TASP1: variants seen among roughly 807,000 people sequenced by gnomAD.
The protein encoded by TASP1 is taspase 1.
Under a neutral mutation model 56.6 loss-of-function variants are expected in TASP1, and 16 were observed. The ratio of observed to expected loss-of-function variants is 0.28; its 90% CI spans 0.19 to 0.43. TASP1 has a LOEUF of 0.43. TASP1 is among the 20% of genes least tolerant of loss of function. The pLI, the probability that TASP1 is intolerant of heterozygous loss-of-function variation, is 1.00. For missense variants in TASP1, 393 were observed against 511.6 expected (o/e 0.77, Z 2.24); for synonymous variants, 179 against 184.2 (o/e 0.97, Z 0.23).
chr20:13,263,509 T>G, the TASP1 span, among the ~76,000 whole-genome samples: 1,556 of 152,334 alleles, frequency 0.01, 14 homozygotes, highest in Middle Eastern at 0.031. Flanking sequence ...TTAAAGATAA[T>G]CAGTGTGCCA....
chr20:13,533,415 G>C (rs2045295817), intron 9 of TASP1, among the ~76,000 whole-genome samples: 1 of 152,042 alleles, frequency 6.6e-6, no homozygotes, highest in South Asian at 2.1e-4. Context: ...ATGAGAGACG[G>C]GGGAAAGGGG....
the TASP1 span, among the ~76,000 whole-genome samples, chr20:13,235,462 G>C: frequency 6.6e-6 from 1 of 152,144 alleles, no homozygotes; most frequent in African/African-American, 2.4e-5. Context: ...CAGTAAAATG[G>C]GATAAGAATA....
chr20:13,475,871 G>A (rs1014954946), intron 11 of TASP1, among the ~76,000 whole-genome samples: 1 of 151,736 alleles, frequency 6.6e-6, no homozygotes, highest in African/African-American at 2.4e-5. Context: ...ACTCCAGCCT[G>A]GGTGACAGAG....
chr20:13,113,213 G>A, the TASP1 span, among the ~76,000 whole-genome samples: 54,777 of 151,804 alleles, frequency 0.36, 9,949 homozygotes, highest in Admixed American at 0.4. Flanking sequence ...ATTATTTCCC[G>A]TAGGATTTTC....
chr20:13,558,824 T>C (rs1235544919), intron 8 of TASP1, among the ~76,000 whole-genome samples, 184 bp downstream of exon 8: 1 of 151,968 alleles, frequency 6.6e-6, no homozygotes, highest in African/African-American at 2.4e-5. Context: ...CTTTCTACTT[T>C]CTTTTTCTCT....
the TASP1 span, among the ~76,000 whole-genome samples, chr20:13,201,741 C>T: frequency 6.6e-6 from 1 of 150,694 alleles, no homozygotes; most frequent in Non-Finnish European, 1.5e-5. Flanking sequence ...ATTGTGGGCT[C>T]TGAGATGGTA....
intron 9 of TASP1, among the ~76,000 whole-genome samples, chr20:13,531,534 C>T (rs1381226177): frequency 6.7e-6 from 1 of 150,236 alleles, no homozygotes; most frequent in Non-Finnish European, 1.5e-5. Context: ...GCTCTGTCTC[C>T]CAGGCTGGAG....
chr20:13,469,426 GTTATTCTC>G (rs745852742), intron 11 of TASP1, among the ~76,000 whole-genome samples: 1 of 152,142 alleles, frequency 6.6e-6, no homozygotes, highest in Non-Finnish European at 1.5e-5. Context: ...AATCCAAGAA[GTTATTCTC>G]TTGCTGCCAG....
At chr20:13,130,825 T>G in the TASP1 span, among the ~76,000 whole-genome samples, 1 of 152,224 alleles carries the variant, frequency 6.6e-6, no homozygotes, top group Admixed American at 6.5e-5. Flanking sequence ...CTTGAATTAT[T>G]CTGGTGTTCC....
At chr20:13,117,405 C>T in the TASP1 span, 9 of 1,116,232 alleles carry the variant, frequency 8.1e-6, no homozygotes, top group South Asian at 4.0e-5. Flanking sequence ...AAAGGAATGG[C>T]GTGTGTCAGG....
At chr20:13,417,310 C>T (rs2042288699) in intron 13 of TASP1, 138 bp downstream of exon 13, 1 of 756,098 alleles carries the variant, frequency 1.3e-6, no homozygotes, top group African/African-American at 1.8e-5. Context: ...GTTAACTGTT[C>T]TTATTCGGAT....
the TASP1 span, among the ~76,000 whole-genome samples, chr20:13,128,349 TAG>T: frequency 1.0e-3 from 153 of 152,308 alleles, no homozygotes; most frequent in African/African-American, 3.6e-3. Flanking sequence ...ATAAACCCTG[TAG>T]ATCTCAGTGG....
intron 13 of TASP1, chr20:13,392,928 C>A (rs1568739009): frequency 8.0e-6 from 5 of 627,336 alleles, no homozygotes; most frequent in South Asian, 4.2e-5. Context: ...CCACCAAAAT[C>A]AAATGGGGCC....
At chr20:13,387,456 T>TG (rs2041172488), downstream of TASP1, among the ~76,000 whole-genome samples, 1 of 152,194 alleles carries the variant, frequency 6.6e-6, no homozygotes, top group African/African-American at 2.4e-5. Context: ...CCCAAAGTGC[T>TG]GGGATTACAG....
chr20:13,572,473 C>G (rs1045441664), intron 6 of TASP1, among the ~76,000 whole-genome samples: 5 of 152,106 alleles, frequency 3.3e-5, no homozygotes, highest in Non-Finnish European at 7.4e-5. Context: ...CACTTGAGGT[C>G]AGGAGTTTGA....
chr20:13,331,413 C>T, the TASP1 span, among the ~76,000 whole-genome samples: 1 of 152,110 alleles, frequency 6.6e-6, no homozygotes, highest in Admixed American at 6.5e-5. Flanking sequence ...AAAGTTATTA[C>T]ATCAAAAATT....
the TASP1 span, among the ~76,000 whole-genome samples, chr20:13,199,548 G>A: frequency 2.0e-5 from 3 of 152,120 alleles, 1 homozygote; most frequent in Admixed American, 6.5e-5. Context: ...CATTTAATTT[G>A]CAAGCCTCTT....
the TASP1 span, among the ~76,000 whole-genome samples, chr20:13,329,448 T>C: frequency 3.3e-5 from 5 of 152,206 alleles, no homozygotes; most frequent in Non-Finnish European, 7.3e-5. Flanking sequence ...ATCTCACCTT[T>C]CTAGCTTCCT....
chr20:13,134,910 A>G, the TASP1 span, among the ~76,000 whole-genome samples: 1 of 152,172 alleles, frequency 6.6e-6, no homozygotes, highest in South Asian at 2.1e-4. Flanking sequence ...TACTACTAGC[A>G]CCTTGCCTGT....
Sources: allele counts gnomAD v4.1 joint callset (sites outside exome capture counted in the v4.1 genomes callset), GRCh38; gene constraint gnomAD v4.1.1; transcripts MANE v1.5; gene names NCBI Gene and HGNC (gene_info 2026-07-23, HGNC 2026-07-21).